Variants in FAT2 observed in about 807,000 individuals in gnomAD.
FAT2 encodes the protein protocadherin Fat 2.
FAT2 carries 150 observed loss-of-function variants against 295.3 expected under a neutral mutation model. The ratio of observed to expected loss-of-function variants is 0.51; its 90% CI spans 0.44 to 0.58. FAT2 has a LOEUF of 0.58. Among genes scored for constraint, FAT2 ranks in the 20% least tolerant of loss-of-function variants. The probability of loss-of-function intolerance (pLI) is 0.00; values close to 1 mark genes in which losing one functional copy is unlikely to be tolerated. For synonymous variants in FAT2, 2,026 were observed against 2,150.3 expected, an observed-to-expected ratio of 0.94 and a Z score of 1.60; for missense variants, 4,868 against 5,442.7, an observed-to-expected ratio of 0.89 and a Z score of 3.32.
chr5:151,514,805 C>T (rs1247247781), intron 20 of FAT2, among the ~76,000 whole-genome samples: 1 of 152,168 alleles, frequency 6.6e-6, no homozygotes, highest in East Asian at 1.9e-4. Flanking sequence ...AAGCCAATCT[C>T]TCCATTTATG....
At position 151,534,715 on chromosome 5, in the gene FAT2, T is replaced by C. The variant is rs549521291; in HGVS notation, c.9194-73A>G. The C allele has an allele frequency of 3.1e-6, 4 of 1,309,438 alleles. No homozygotes were observed. The East Asian group carries it at 9.4e-5, about 31-fold the overall frequency. 81.1% of individuals were successfully genotyped at this position (1,309,438 alleles called of 1,614,324 possible). ...CCCAAGCATGTGCCCTCTATATATC[T>C]ACAGGAGACAAACCCAGCCACACAG... is the stretch of plus-strand genomic sequence containing the variant. On this transcript the variant is annotated intron_variant, in intron 12 of 23. Transcript: ENST00000261800.
intron 1 of FAT2, among the ~76,000 whole-genome samples, chr5:151,577,508 GA>G (rs1337988083): frequency 6.6e-6 from 1 of 152,176 alleles, no homozygotes; most frequent in Non-Finnish European, 1.5e-5. Flanking sequence ...GTCAGGTGAT[GA>G]AAAGCGATAT....
chr5:151,575,057 A>G (rs1173835096), intron 1 of FAT2, among the ~76,000 whole-genome samples: 1 of 152,244 alleles, frequency 6.6e-6, no homozygotes, highest in Non-Finnish European at 1.5e-5. Context: ...ATTAGAACCA[A>G]TAATGGCTCA....
intron 11 of FAT2, 63 bp from the exon 12 acceptor site, chr5:151,538,009 C>G: frequency 6.7e-7 from 1 of 1,485,802 alleles, no homozygotes; most frequent in South Asian, 1.3e-5. Flanking sequence ...CAGAGAGAAG[C>G]AGAGTGACTG....
intron 3 of FAT2, 33 bp from the exon 4 acceptor site, chr5:151,556,435 C>A (rs1244485424): frequency 6.4e-7 from 1 of 1,557,286 alleles, no homozygotes; most frequent in African/African-American, 1.4e-5. Context: ...GAGACATGAG[C>A]AGAAGACTTT....
At chr5:151,590,000 G>C (rs1272661765) in intron 1 of FAT2, among the ~76,000 whole-genome samples, 1 of 152,110 alleles carries the variant, frequency 6.6e-6, no homozygotes, top group African/African-American at 2.4e-5. Context: ...AACCGTCCTA[G>C]GCCACACAGC....
rs532498079 is a variant in FAT2, at chr5:151,567,257, C to A, written c.1675G>T (p.Asp559Tyr). The A allele has an allele frequency of 6.2e-7, 1 of 1,614,140 alleles. No individual in the cohort carries two copies. The highest frequency in any genetic ancestry group is 1.1e-5 in the South Asian group (1 of 91,060). ...SIFLQLRNLN[D>Y]NQPMFEEVNC... is the part of the protein sequence containing the mutation. ...ACTTCTTCAAACATAGGCTGGTTGT[C>A]ATTCAAGTTCCTGAGCTGAAGAAAA... Residue 559 changes from aspartate to tyrosine, a missense_variant, in exon 2 of 24, where the codon GAC becomes TAC. Asp to Tyr is a radical substitution (Grantham distance 160). Transcript: ENST00000261800.
intron 3 of FAT2, among the ~76,000 whole-genome samples, chr5:151,561,754 A>G (rs1290279642): frequency 6.6e-6 from 1 of 152,186 alleles, no homozygotes; most frequent in Non-Finnish European, 1.5e-5. Flanking sequence ...AAGTGGGACA[A>G]AGTAATGGTG....
intron 3 of FAT2, among the ~76,000 whole-genome samples, chr5:151,558,207 A>G (rs936168147): frequency 2.6e-5 from 4 of 152,202 alleles, no homozygotes; most frequent in Non-Finnish European, 1.5e-5. Context: ...ATTGGACACA[A>G]TCCATATAAG....
chr5:151,540,208 T>A (rs533335721), intron 11 of FAT2, among the ~76,000 whole-genome samples: 1 of 152,184 alleles, frequency 6.6e-6, no homozygotes, highest in Non-Finnish European at 1.5e-5. Context: ...TTGAACAGCT[T>A]GGTATATCCC....
At chr5:151,514,599 T>C (rs950036339) in intron 20 of FAT2, among the ~76,000 whole-genome samples, 15 of 152,262 alleles carry the variant, frequency 9.9e-5, no homozygotes, top group Non-Finnish European at 1.6e-4. Flanking sequence ...GAGCCTTTAA[T>C]GCTGCCCAGC....
Position 151,531,584 on chromosome 5 carries a change from C to T in FAT2, c.9811+3G>A, listed in dbSNP as rs1754611498. ...TTTGGGGCTTGGTGGATCAGGCTCT[C>T]ACCTGTGCGAGCATCCAGGCGGAAC... On this transcript the variant is annotated splice_donor_region_variant and intron_variant, in intron 14 of 23. Transcript: ENST00000261800. The surrounding 1 kb of genome is among the most constrained non-coding windows in gnomAD (Gnocchi z 5.7). 3.7e-6 allele frequency: 6 copies of T among 1,612,162 alleles called. No homozygotes were observed. Among genetic ancestry groups the T allele is most frequent in the Non-Finnish European group, 5.1e-6 (6 of 1,179,926 alleles).
rs767061379 is a variant in FAT2, at chr5:151,566,070, C to A, written c.2862G>T (p.Leu954=). 1 of 1,614,162 alleles carries A rather than the reference C, an allele frequency of 6.2e-7. No homozygotes were observed. The highest frequency in any genetic ancestry group is 1.7e-5 in the Admixed American group (1 of 60,022). Residue 954 remains leucine (L), a synonymous_variant, in exon 2 of 24, where the codon CTG becomes CTT. Coordinates refer to ENST00000261800, the MANE Select transcript of FAT2 (RefSeq NM_001447.3). ...CATATCGCACTTCACCTGCGGGGCC[C>A]AGGTCAGGATCAGAGGCATCCAGAA... ...LTFLDASDPD[L]GPAGEVRYVL...
At chr5:151,521,019 C>A (rs1000939211) in intron 19 of FAT2, among the ~76,000 whole-genome samples, 7 of 152,240 alleles carry the variant, frequency 4.6e-5, no homozygotes, top group African/African-American at 1.7e-4. Flanking sequence ...ACAGCCTATG[C>A]TCTTAGCCAT....
rs768102467 is a variant in FAT2 at position 151,542,853 on chromosome 5, T to G, written c.8274A>C (p.Glu2758Asp). 1 of 1,614,166 alleles carries G rather than the reference T, an allele frequency of 6.2e-7. No individual in the cohort carries two copies. Among genetic ancestry groups the G allele is most frequent in the East Asian group, 2.2e-5 (1 of 44,870 alleles). ...CATCAATCTGGTACAATTTGGTGGA[T>G]TCGTGGTCCATGGGCTTCCTCACCT... is the stretch of plus-strand genomic sequence containing the variant. Reference protein sequence around the residue: ...VIKVRKPMDHESTKLYQIDVM... With the variant: ...VIKVRKPMDHDSTKLYQIDVM... The change falls in exon 10 of 24, where the codon GAA becomes GAC. Residue 2758 changes from glutamate to aspartate, a missense_variant. Physicochemically the swap from Glu to Asp is conservative, Grantham distance 45. Around this residue, in one of 5 missense-constraint regions of FAT2, gnomAD observed 3,297 missense variants for 3,669.4 expected, o/e 0.90. Transcript: ENST00000261800.
At chr5:151,583,740 G>A (rs1021808800) in intron 1 of FAT2, among the ~76,000 whole-genome samples, 5 of 152,158 alleles carry the variant, frequency 3.3e-5, no homozygotes, top group African/African-American at 1.2e-4. Context: ...GCTTGCGCCA[G>A]TAATCCCAAC....
intron 13 of FAT2, among the ~76,000 whole-genome samples, chr5:151,533,393 AACACACACAC>A (rs36215342): frequency 8.1e-4 from 107 of 132,182 alleles, no homozygotes; most frequent in African/African-American, 2.4e-3. Flanking sequence ...TGTTATCTCC[AACACACACAC>A]ACACACACAC....
intron 16 of FAT2, 71 bp downstream of exon 16, chr5:151,527,925 C>T: frequency 6.4e-7 from 1 of 1,563,716 alleles, no homozygotes; most frequent in Non-Finnish European, 8.7e-7. Flanking sequence ...AGCGATTCAT[C>T]TTCTGGACCT....
At position 151,544,390 on chromosome 5, in the gene FAT2, G is replaced by A. The variant is rs754431390; in HGVS notation, c.6737C>T (p.Thr2246Met). ...KTKHVFTVRATDTALGSFSEA... is the reference protein window; with the variant it reads ...KTKHVFTVRAMDTALGSFSEA... ...AGAAAATGACCCCAGAGCTGTATCC[G>A]TGGCTCTGACTGTGAACACATGTTT... The change falls in exon 10 of 24, where the codon ACG becomes ATG. Residue 2246 changes from threonine to methionine, a missense_variant. Transcript: ENST00000261800. 39 of 1,614,046 alleles carry A rather than the reference G, an allele frequency of 2.4e-5. No homozygotes were observed. The highest frequency in any genetic ancestry group is 3.0e-5 in the Non-Finnish European group (35 of 1,180,040).
Sources: gnomAD v4.1 joint callset for allele counts (sites outside exome capture counted in the v4.1 genomes callset) on GRCh38, gnomAD v4.1.1 for gene constraint, gnomAD v4.1.1 regional missense constraint, Gnocchi (gnomAD v3.1) non-coding constraint, MANE v1.5 for transcripts, NCBI Gene and HGNC (gene_info 2026-07-23, HGNC 2026-07-21) for gene names.